Variants in ESYT2 observed in about 807,000 individuals in gnomAD.
The protein encoded by ESYT2 is extended synaptotagmin-2.
In ESYT2, 54 loss-of-function variants were observed where a neutral mutation model predicts 107.2. That is an observed-to-expected ratio of 0.50 (90% CI 0.40 to 0.63). The LOEUF is 0.63. Among genes scored for constraint, ESYT2 ranks in the 30% least tolerant of loss-of-function variants. ESYT2 has a pLI of 0.00. For missense variants in ESYT2, 1,020 were observed against 1,094.5 expected (o/e 0.93, Z 0.96); for synonymous variants, 491 against 434.1 (o/e 1.13, Z -1.63).
At chr7:158,808,315 C>G (rs1031739059) in intron 1 of ESYT2, among the ~76,000 whole-genome samples, 1 of 152,232 alleles carries the variant, frequency 6.6e-6, no homozygotes, top group Admixed American at 6.5e-5. Context: ...CGAGCCCCGT[C>G]CGGCACGTTC....
intron 1 of ESYT2, among the ~76,000 whole-genome samples, chr7:158,816,227 G>A (rs113798612): frequency 0.076 from 11,579 of 152,256 alleles, 505 homozygotes; most frequent in Middle Eastern, 0.15. Context: ...GTACAGGCCT[G>A]TAGTCCCAGA....
chr7:158,785,077 T>C (rs978325121), intron 6 of ESYT2, among the ~76,000 whole-genome samples: 5 of 152,142 alleles, frequency 3.3e-5, no homozygotes, highest in South Asian at 2.1e-4. Flanking sequence ...CAAACACCAA[T>C]TGGTTGAGTT....
intron 6 of ESYT2, among the ~76,000 whole-genome samples, chr7:158,780,713 G>C (rs1254977773): frequency 1.3e-5 from 2 of 152,248 alleles, no homozygotes; most frequent in African/African-American, 4.8e-5. Flanking sequence ...CTAATCGTCA[G>C]GGAGGCAGGA....
intron 1 of ESYT2, among the ~76,000 whole-genome samples, chr7:158,826,441 G>A: frequency 6.6e-6 from 1 of 151,620 alleles, no homozygotes; most frequent in Middle Eastern, 3.2e-3. Flanking sequence ...TTCATGAGGT[G>A]AACACCACAG....
chr7:158,789,317 T>TA (rs1486400734), intron 4 of ESYT2, among the ~76,000 whole-genome samples: 5 of 152,146 alleles, frequency 3.3e-5, no homozygotes, highest in African/African-American at 7.2e-5. Flanking sequence ...GCGAAACTAT[T>TA]AAAAAAACTT....
rs776874645 is a variant in ESYT2, at chr7:158,764,820, C to A, written c.958G>T (p.Asp320Tyr). Residue 320 changes from aspartate to tyrosine, a missense_variant, in exon 9 of 23, where the codon GAT becomes TAT. Coordinates refer to ENST00000275418, the MANE Select transcript of ESYT2 (RefSeq NM_001367773.1). ...AGGTAAGTGTCTTTCCCCTGAAGAT[C>A]CTGAGCTTCAATAAAATGTATCCTT... ...VLRIHFIEAQ[D>Y]LQGKDTYLKG... 3.0e-5 allele frequency: 48 copies of A among 1,613,992 alleles called. 1 individual carries two copies. The South Asian group carries it at 5.2e-4, about 17-fold the overall frequency.
At chr7:158,824,026 T>C (rs903637203) in intron 1 of ESYT2, among the ~76,000 whole-genome samples, 5 of 152,356 alleles carry the variant, frequency 3.3e-5, no homozygotes, top group South Asian at 2.1e-4. Flanking sequence ...GGCTGATGGA[T>C]TGCATATATC....
intron 13 of ESYT2, among the ~76,000 whole-genome samples, chr7:158,754,018 G>C (rs952543744): frequency 2.6e-5 from 4 of 152,096 alleles, no homozygotes; most frequent in African/African-American, 9.7e-5. Context: ...GTGGGTAGGG[G>C]ATGCAGGAGA....
At chr7:158,807,694 C>G (rs1839872259) in intron 1 of ESYT2, among the ~76,000 whole-genome samples, 1 of 152,200 alleles carries the variant, frequency 6.6e-6, no homozygotes, top group African/African-American at 2.4e-5. Flanking sequence ...ATCTGGGGCA[C>G]TTACGGGCCA....
chr7:158,743,662 T>C lies in ESYT2; in HGVS notation c.1661A>G (p.His554Arg). The C allele has an allele frequency of 6.2e-7, 1 of 1,611,680 alleles. No homozygotes were observed. Residue 554 changes from histidine to arginine, a missense_variant, in exon 17 of 23, where the codon CAC (histidine) becomes CGC (arginine). By Grantham distance (29) the His-to-Arg change is conservative. Transcript: ENST00000275418. ...DLEVEVRDEQ[H>R]QCSLGNLKVP... is the part of the protein sequence containing the mutation. ...CTTCAGGTTCCCCAGGGAACACTGGTGCTGCTCGTCTCTGACCTGCAAAAC... is the reference window on the plus strand; with the variant it reads ...CTTCAGGTTCCCCAGGGAACACTGGCGCTGCTCGTCTCTGACCTGCAAAAC...
At position 158,811,918 on chromosome 7, in the gene ESYT2, G is replaced by A. The variant is rs555158964; in HGVS notation, c.331-12846C>T. On this transcript the variant is annotated intron_variant, in intron 1 of 22. Coordinates refer to ENST00000275418, the MANE Select transcript of ESYT2 (RefSeq NM_001367773.1). ...TTTGCTAAATTCCTAAGCTACCCAGGGCAAGAGGCTAGCCTCGAAGGAGCA... is the reference window on the plus strand; with the variant it reads ...TTTGCTAAATTCCTAAGCTACCCAGAGCAAGAGGCTAGCCTCGAAGGAGCA... Among the ~76,000 whole-genome samples the A allele has an allele frequency of 4.3e-4, 66 of 152,308 alleles. 1 individual carries two copies. The highest frequency in any genetic ancestry group is 6.8e-3 in the Middle Eastern group (2 of 294).
intron 6 of ESYT2, among the ~76,000 whole-genome samples, chr7:158,778,861 T>TA (rs1326302770): frequency 1.3e-5 from 2 of 152,002 alleles, no homozygotes; most frequent in Non-Finnish European, 2.9e-5. Context: ...TTTTTTTTTT[T>TA]AACATGCTCC....
At chr7:158,737,443 G>A (rs568077985) in intron 19 of ESYT2, among the ~76,000 whole-genome samples, 1 of 152,218 alleles carries the variant, frequency 6.6e-6, no homozygotes, top group African/African-American at 2.4e-5. Context: ...CCAAGTCCTT[G>A]GTCTCTGCTT....
chr7:158,741,878 G>A lies in ESYT2; in HGVS notation c.1813C>T (p.Arg605Ter). 6.2e-7 allele frequency: 1 copy of A among 1,605,484 alleles called. No individual in the cohort carries two copies. Among genetic ancestry groups the A allele is most frequent in the Non-Finnish European group, 8.5e-7 (1 of 1,176,516 alleles). The change falls in exon 18 of 23, where the codon CGA (arginine) becomes TGA (stop). Residue 605 changes from arginine (R) to a stop codon, truncating the protein, a stop_gained. Coordinates refer to ENST00000275418, the MANE Select transcript of ESYT2 (RefSeq NM_001367773.1). LOFTEE classifies it high-confidence loss of function. ...TGTTGGTGGTCTGGAGGCCTTTCTC[G>A]CTTTTCGAGATGGAGCACCTAGAGG... ...IALRVLHLEK[R>*]ERPPDHQHSA...
At chr7:158,785,151 G>A (rs567927560) in intron 6 of ESYT2, among the ~76,000 whole-genome samples, 21 of 152,190 alleles carry the variant, frequency 1.4e-4, no homozygotes, top group South Asian at 2.1e-4. Flanking sequence ...GGCCGGGCAC[G>A]GTGGCTCACG....
rs1195844137 is a variant in ESYT2 at position 158,804,780 on chromosome 7, C to T, written c.331-5708G>A. 5.3e-5 allele frequency among the ~76,000 whole-genome samples: 8 copies of T among 151,852 alleles called. No homozygotes were observed. The East Asian group carries it at 1.5e-3, about 29-fold the overall frequency. ...CGAGAAAGGTGAGGTGTGTGACAAA[C>T]CCAAACTGTTGAGAAAGGTGAGGCG... is the stretch of plus-strand genomic sequence containing the variant. On this transcript the variant is annotated intron_variant, in intron 1 of 22. Coordinates refer to ENST00000275418, the MANE Select transcript of ESYT2 (RefSeq NM_001367773.1).
chr7:158,755,084 G>A (rs1837706615), intron 13 of ESYT2, among the ~76,000 whole-genome samples: 1 of 152,172 alleles, frequency 6.6e-6, no homozygotes, highest in African/African-American at 2.4e-5. Context: ...ATTATGAAGA[G>A]GTCGTTTCCA....
rs567663091 is a variant in ESYT2 at position 158,782,903 on chromosome 7, G to T, written c.747+5101C>A. Among the ~76,000 whole-genome samples the T allele has an allele frequency of 5.4e-5, 8 of 148,324 alleles. No homozygotes were observed. In the Admixed American group the frequency reaches 6.3e-4, roughly 12 times the overall value. On this transcript the variant is annotated intron_variant, in intron 6 of 22. Transcript: ENST00000275418. ...AGGACAAAATGGGTGTGTGAGACAG[G>T]AGGCTCCAAAGCCCAGTCTGAGGTC...
At chr7:158,798,699 T>C (rs1445546833) in intron 2 of ESYT2, among the ~76,000 whole-genome samples, 1 of 151,372 alleles carries the variant, frequency 6.6e-6, no homozygotes, top group Admixed American at 6.6e-5. Flanking sequence ...ATTGAATTTC[T>C]TGTAAGTTAT....
Sources: allele counts gnomAD v4.1 joint callset (sites outside exome capture counted in the v4.1 genomes callset), GRCh38; gene constraint gnomAD v4.1.1; transcripts MANE v1.5; gene names NCBI Gene and HGNC (gene_info 2026-07-23, HGNC 2026-07-21).